The following CHIC2 variants were observed in gnomAD, a reference collection of about 807,000 sequenced individuals.
CHIC2 encodes cysteine-rich hydrophobic domain-containing protein 2.
CHIC2 carries 14 observed loss-of-function variants against 25.9 expected under a neutral mutation model. The observed-to-expected ratio is 0.54, with a 90% CI of 0.36 to 0.85. The LOEUF (loss-of-function observed/expected upper bound fraction) is 0.85. CHIC2 is among the 40% of genes least tolerant of loss of function. The pLI is 0.01. For synonymous variants in CHIC2, 70 were observed against 72.0 expected (o/e 0.97, Z 0.14); for missense variants, 146 against 202.0 (o/e 0.72, Z 1.68).
At chr4:54,010,196 T>C (rs1394678280) in intron 5 of CHIC2, 51 bp from the exon 6 acceptor site, 2 of 1,344,558 alleles carry the variant, frequency 1.5e-6, no homozygotes, top group Non-Finnish European at 2.1e-6. Flanking sequence ...AAATTTTTTC[T>C]TAAAACTTCA....
At chr4:54,084,948 T>C in the CHIC2 span, among the ~76,000 whole-genome samples, 1 of 89,502 alleles carries the variant, frequency 1.1e-5, no homozygotes, top group African/African-American at 4.7e-5. Context: ...AGACACAGCC[T>C]TGCTCTGTCT....
intron 3 of CHIC2, among the ~76,000 whole-genome samples, chr4:54,022,333 G>A (rs1715926783): frequency 6.6e-6 from 1 of 152,052 alleles, no homozygotes; most frequent in African/African-American, 2.4e-5. Context: ...GACGCTCTGG[G>A]TAACTCTTAC....
chr4:54,019,464 C>G (rs533492106), intron 3 of CHIC2, among the ~76,000 whole-genome samples: 3 of 152,004 alleles, frequency 2.0e-5, no homozygotes, highest in South Asian at 4.2e-4. Context: ...TCAAAAATAT[C>G]CTCTAGTACT....
At chr4:54,055,591 T>A (rs543388005) in intron 1 of CHIC2, among the ~76,000 whole-genome samples, 1 of 152,172 alleles carries the variant, frequency 6.6e-6, no homozygotes, top group Non-Finnish European at 1.5e-5. Flanking sequence ...AGAATTTTTA[T>A]GTTCCTACAG....
intron 5 of CHIC2, among the ~76,000 whole-genome samples, chr4:54,012,051 A>G (rs1246751867): frequency 6.6e-6 from 1 of 151,080 alleles, no homozygotes; most frequent in Non-Finnish European, 1.5e-5. Flanking sequence ...TCTCACTTTC[A>G]ACTATCACAA....
intron 3 of CHIC2, 62 bp downstream of exon 3, chr4:54,048,893 G>A: frequency 1.5e-6 from 2 of 1,333,802 alleles, no homozygotes; most frequent in Non-Finnish European, 2.0e-6. Flanking sequence ...ATAAAAACTA[G>A]ATAAATGCAA....
intron 3 of CHIC2, among the ~76,000 whole-genome samples, chr4:54,026,133 T>A (rs1331007414): frequency 6.6e-6 from 1 of 152,186 alleles, no homozygotes; most frequent in East Asian, 1.9e-4. Context: ...TACTAGGAAA[T>A]GATGGAGCTC....
chr4:54,045,644 A>G (rs1440432143), intron 3 of CHIC2, among the ~76,000 whole-genome samples: 13 of 148,390 alleles, frequency 8.8e-5, no homozygotes, highest in African/African-American at 2.0e-4. Context: ...TTGATGGGAC[A>G]TATCTCAAAA....
the CHIC2 span, among the ~76,000 whole-genome samples, chr4:54,090,016 T>C: frequency 6.6e-6 from 1 of 152,176 alleles, no homozygotes; most frequent in African/African-American, 2.4e-5. Flanking sequence ...ATGTGAAATA[T>C]AAATGAATTT....
chr4:54,035,241 C>T (rs756386124), intron 3 of CHIC2, among the ~76,000 whole-genome samples: 8 of 152,076 alleles, frequency 5.3e-5, no homozygotes, highest in Non-Finnish European at 8.8e-5. Context: ...CTCAGGGTAA[C>T]GATGGCCTCA....
chr4:54,034,403 T>C (rs989078121), intron 3 of CHIC2, among the ~76,000 whole-genome samples: 3 of 121,142 alleles, frequency 2.5e-5, no homozygotes. Flanking sequence ...AAACTCTGTC[T>C]CAAAAAAAAA....
chr4:54,082,893 C>G, the CHIC2 span, among the ~76,000 whole-genome samples: 1 of 152,134 alleles, frequency 6.6e-6, no homozygotes, highest in East Asian at 1.9e-4. Context: ...TGACCACCAT[C>G]CTAACCATGA....
chr4:54,085,596 C>T, the CHIC2 span, among the ~76,000 whole-genome samples: 3 of 152,166 alleles, frequency 2.0e-5, no homozygotes, highest in Non-Finnish European at 4.4e-5. Context: ...TAGCTAACAA[C>T]AAGACAATAT....
intron 5 of CHIC2, among the ~76,000 whole-genome samples, chr4:54,012,536 C>A (rs1294470193): frequency 6.6e-6 from 1 of 152,006 alleles, no homozygotes; most frequent in Admixed American, 6.6e-5. Flanking sequence ...ATTAATACCT[C>A]AGTTTTAAGC....
chr4:54,084,347 T>C, the CHIC2 span, among the ~76,000 whole-genome samples: 1 of 152,206 alleles, frequency 6.6e-6, no homozygotes, highest in African/African-American at 2.4e-5. Flanking sequence ...ATTATTCTGA[T>C]AAGTTTTATA....
chr4:54,056,102 T>C (rs1717165685), intron 1 of CHIC2, among the ~76,000 whole-genome samples: 1 of 152,182 alleles, frequency 6.6e-6, no homozygotes, highest in Admixed American at 6.5e-5. Context: ...TTATACATAG[T>C]CTTATAATAA....
At chr4:54,045,943 T>G (rs1347949609) in intron 3 of CHIC2, among the ~76,000 whole-genome samples, 1 of 152,148 alleles carries the variant, frequency 6.6e-6, no homozygotes, top group Non-Finnish European at 1.5e-5. Flanking sequence ...ATAAGCAACT[T>G]CAGCAAAGTC....
the CHIC2 span, among the ~76,000 whole-genome samples, chr4:54,070,106 G>A: frequency 5.3e-5 from 8 of 152,216 alleles, no homozygotes; most frequent in Non-Finnish European, 1.0e-4. Context: ...CAAAGGTATG[G>A]AGGTAGGGAA....
At chr4:54,073,066 TA>T in the CHIC2 span, among the ~76,000 whole-genome samples, 1,814 of 143,006 alleles carry the variant, frequency 0.013, 12 homozygotes, top group African/African-American at 0.032. Flanking sequence ...AGACTCCGTC[TA>T]AAAAAAAAAA....
Sources: allele counts gnomAD v4.1 joint callset (sites outside exome capture counted in the v4.1 genomes callset), GRCh38; gene constraint gnomAD v4.1.1; transcripts MANE v1.5; gene names NCBI Gene and HGNC (gene_info 2026-07-23, HGNC 2026-07-21).